Variants in GSTCD observed in about 807,000 individuals in gnomAD.
The protein encoded by GSTCD is glutathione S-transferase C-terminal domain-containing protein.
A neutral mutation model predicts 68.3 loss-of-function variants in GSTCD; 44 were observed. The observed-to-expected ratio is 0.64, with a 90% CI of 0.51 to 0.83. GSTCD has a LOEUF of 0.83. Ranked by LOEUF, GSTCD falls within the 40% of genes least tolerant of loss-of-function variation. The pLI, the probability that GSTCD is intolerant of heterozygous loss-of-function variation, is 0.00. For missense variants in GSTCD, 739 were observed against 735.9 expected, an observed-to-expected ratio of 1.00 and a Z score of -0.05; for synonymous variants, 273 against 255.2, an observed-to-expected ratio of 1.07 and a Z score of -0.67.
intron 5 of GSTCD, among the ~76,000 whole-genome samples, chr4:105,753,964 A>AT (rs565363265): frequency 0.055 from 8,109 of 147,750 alleles, 236 homozygotes; most frequent in Middle Eastern, 0.14. Context: ...AACTTTCAAG[A>AT]TTTTTTTTTT....
rs774514638 is a variant in GSTCD, at chr4:105,717,788, G to A, written c.175G>A (p.Asp59Asn). ...CLVVTKEVSRDSSLLRDDLIQ... is the reference protein window; with the variant it reads ...CLVVTKEVSRNSSLLRDDLIQ... ...AGTTGTCACCAAAGAGGTGAGTAGAGATAGTTCACTACTAAGAGATGACCT... is the reference window on the plus strand; with the variant it reads ...AGTTGTCACCAAAGAGGTGAGTAGAAATAGTTCACTACTAAGAGATGACCT... Residue 59 changes from aspartate (D) to asparagine (N), a missense_variant, in exon 2 of 12, where the codon GAT (aspartate) becomes AAT (asparagine). By Grantham distance (23) the Asp-to-Asn change is conservative. Transcript: ENST00000515279. The A allele has an allele frequency of 3.1e-6, 5 of 1,613,988 alleles. No individual in the cohort carries two copies. The highest frequency in any genetic ancestry group is 2.2e-5 in the East Asian group (1 of 44,874).
At chr4:105,819,842 A>G (rs973828609) in intron 5 of GSTCD, among the ~76,000 whole-genome samples, 8 of 151,466 alleles carry the variant, frequency 5.3e-5, no homozygotes, top group African/African-American at 1.9e-4. Flanking sequence ...GTGTGTTTTT[A>G]AGCTCTAAAC....
At chr4:105,803,842 A>G (rs1416181047) in intron 5 of GSTCD, among the ~76,000 whole-genome samples, 1 of 152,088 alleles carries the variant, frequency 6.6e-6, no homozygotes, top group Non-Finnish European at 1.5e-5. Flanking sequence ...TATTAGAAAT[A>G]CATATCTATG....
At chr4:105,761,213 A>G in intron 5 of GSTCD, 1 of 173,502 alleles carries the variant, frequency 5.8e-6, no homozygotes, top group South Asian at 1.2e-4. Flanking sequence ...CATATTGGCC[A>G]GGCTGGTCTC....
chr4:105,709,652 T>C (rs1732451945), intron 1 of GSTCD, among the ~76,000 whole-genome samples: 1 of 152,226 alleles, frequency 6.6e-6, no homozygotes, highest in Non-Finnish European at 1.5e-5. Context: ...TGGGATGAGA[T>C]GACTTGTTTT....
At chr4:105,835,305 A>G (rs569598230) in intron 9 of GSTCD, among the ~76,000 whole-genome samples, 19 of 152,150 alleles carry the variant, frequency 1.2e-4, no homozygotes, top group Non-Finnish European at 2.6e-4. Context: ...CTACCAGCAC[A>G]GATCCCACAC....
At chr4:105,763,653 C>G (rs1734497224) in intron 5 of GSTCD, among the ~76,000 whole-genome samples, 1 of 151,976 alleles carries the variant, frequency 6.6e-6, no homozygotes, top group Non-Finnish European at 1.5e-5. Context: ...ATTTTAGTAC[C>G]AAAGGAGTAA....
Position 105,719,417 on chromosome 4 carries a change from A to G in GSTCD, c.784A>G (p.Ile262Val), listed in dbSNP as rs1732790994. 3 of 1,614,124 alleles carry G rather than the reference A, an allele frequency of 1.9e-6. No homozygotes were observed. The highest frequency in any genetic ancestry group is 2.5e-6 in the Non-Finnish European group (3 of 1,179,982). ...TACTACCAACAGAGAGCCTTCTCAC[A>G]TCAGAAAAGCAAAAGCCTCCGACCT... ...PATTNREPSH[I>V]RKAKASDLPP... Residue 262 changes from isoleucine (I) to valine (V), a missense_variant, in exon 3 of 12, where the codon ATC becomes GTC. Ile to Val is a conservative substitution (Grantham distance 29). Coordinates refer to ENST00000515279, the MANE Select transcript of GSTCD (RefSeq NM_001370181.1).
chr4:105,709,895 C>A (rs1732461534), intron 1 of GSTCD, among the ~76,000 whole-genome samples: 1 of 151,918 alleles, frequency 6.6e-6, no homozygotes, highest in African/African-American at 2.4e-5. Context: ...CATTTAAATC[C>A]ATGATAATAA....
intron 11 of GSTCD, among the ~76,000 whole-genome samples, chr4:105,843,873 G>A (rs1724450172): frequency 6.9e-6 from 1 of 144,470 alleles, no homozygotes; most frequent in Non-Finnish European, 1.5e-5. Flanking sequence ...CTAAAGGGGA[G>A]TATCTGGCAG....
At chr4:105,714,752 C>G (rs1732636257) in intron 1 of GSTCD, among the ~76,000 whole-genome samples, 1 of 151,732 alleles carries the variant, frequency 6.6e-6, no homozygotes, top group African/African-American at 2.4e-5. Flanking sequence ...TGCATTTTCT[C>G]TCAGGCATCT....
At chr4:105,783,431 T>C (rs979936561) in intron 5 of GSTCD, among the ~76,000 whole-genome samples, 6 of 152,208 alleles carry the variant, frequency 3.9e-5, no homozygotes, top group African/African-American at 1.4e-4. Flanking sequence ...GCCTTAAAAC[T>C]TTTTTATATT....
intron 1 of GSTCD, among the ~76,000 whole-genome samples, chr4:105,711,614 A>G (rs1370126929): frequency 1.3e-5 from 2 of 152,216 alleles, no homozygotes; most frequent in Non-Finnish European, 2.9e-5. Flanking sequence ...ATATGTGACA[A>G]GCTTTTTTCT....
chr4:105,839,216 G>A (rs1377066206), intron 10 of GSTCD, among the ~76,000 whole-genome samples: 1 of 152,136 alleles, frequency 6.6e-6, no homozygotes, highest in Non-Finnish European at 1.5e-5. Flanking sequence ...TAGATTAAAA[G>A]TTTACATATT....
chr4:105,805,346 A>G (rs1262244419), intron 5 of GSTCD, among the ~76,000 whole-genome samples: 3 of 152,136 alleles, frequency 2.0e-5, no homozygotes, highest in Admixed American at 6.6e-5. Flanking sequence ...GAAAAAATCT[A>G]TTACTTTTCA....
intron 5 of GSTCD, among the ~76,000 whole-genome samples, chr4:105,772,639 G>A (rs1353014576): frequency 3.3e-5 from 5 of 152,254 alleles, no homozygotes; most frequent in Admixed American, 6.5e-5. Context: ...CATTGGTTCT[G>A]TTTATATGAT....
rs148173552 is a variant in GSTCD, at chr4:105,820,062, G to A, written c.1241-2892G>A. 1.6e-3 allele frequency among the ~76,000 whole-genome samples: 247 copies of A among 151,820 alleles called. 1 individual carries two copies. The highest frequency in any genetic ancestry group is 0.014 in the Middle Eastern group (4 of 292). ...GCTAAGAAACAAAAAATTAAGAGCT[G>A]CCTGATTTGGGACATAAATTACTAC... On this transcript the variant is annotated intron_variant, in intron 5 of 11. Transcript: ENST00000515279.
At chr4:105,742,583 G>A (rs923830594) in intron 5 of GSTCD, among the ~76,000 whole-genome samples, 1 of 152,168 alleles carries the variant, frequency 6.6e-6, no homozygotes, top group Non-Finnish European at 1.5e-5. Flanking sequence ...CATTAATATG[G>A]AAAGCAATTA....
At chr4:105,828,931 A>G (rs1211948856) in intron 8 of GSTCD, among the ~76,000 whole-genome samples, 2 of 152,182 alleles carry the variant, frequency 1.3e-5, no homozygotes, top group African/African-American at 4.8e-5. Context: ...ATTCTGTAGA[A>G]GAAACTGAAC....
Sources: gnomAD v4.1 joint callset for allele counts (sites outside exome capture counted in the v4.1 genomes callset) on GRCh38, gnomAD v4.1.1 for gene constraint, MANE v1.5 for transcripts, NCBI Gene and HGNC (gene_info 2026-07-23, HGNC 2026-07-21) for gene names.